COL24A1: variants seen among roughly 807,000 people sequenced by gnomAD.
COL24A1 encodes collagen type XXIV alpha 1 chain, also known as collagen alpha-1(XXIV) chain.
COL24A1 carries 224 observed loss-of-function variants against 253.9 expected under a neutral mutation model. That is an observed-to-expected ratio of 0.88 (90% CI 0.79 to 0.99). The LOEUF is 0.99. Among genes scored for constraint, COL24A1 ranks in the 50% least tolerant of loss-of-function variants. The probability of loss-of-function intolerance (pLI) is 0.00; values close to 1 mark genes in which losing one functional copy is unlikely to be tolerated. For synonymous variants in COL24A1, 685 were observed against 673.7 expected, an observed-to-expected ratio of 1.02 and a Z score of -0.26; for missense variants, 2,131 against 2,068.5, an observed-to-expected ratio of 1.03 and a Z score of -0.59.
chr1:85,915,437 G>A (rs764288001), intron 24 of COL24A1, among the ~76,000 whole-genome samples: 2 of 152,138 alleles, frequency 1.3e-5, no homozygotes, highest in Non-Finnish European at 2.9e-5. Flanking sequence ...AAGACTGTGA[G>A]ATTTTTTTTT....
chr1:86,067,894 A>G (rs1701606835), intron 7 of COL24A1, among the ~76,000 whole-genome samples: 1 of 152,208 alleles, frequency 6.6e-6, no homozygotes, highest in Non-Finnish European at 1.5e-5. Flanking sequence ...AGAATAACAA[A>G]AAAGTTTCCA....
At chr1:85,872,445 T>C (rs1428329598) in intron 35 of COL24A1, among the ~76,000 whole-genome samples, 1 of 152,134 alleles carries the variant, frequency 6.6e-6, no homozygotes. Context: ...CTTCAAACTA[T>C]ACCAGAAGGC....
In COL24A1 at chr1:85,986,684, GATA is replaced by G. The variant is rs373649957; in HGVS notation, c.2364+914_2364+916del. ...TAAATGAGATAATGACTATAAACGAGATAATGTCTATGAAGCATTTACTAGAGT... is the reference window on the plus strand; with the variant it reads ...TAAATGAGATAATGACTATAAACGAGATGTCTATGAAGCATTTACTAGAGT... On this transcript the variant is annotated intron_variant, in intron 20 of 59. Transcript: ENST00000370571. 2.0e-3 allele frequency among the ~76,000 whole-genome samples: 302 copies of G among 151,944 alleles called. 9 individuals carry two copies. In the South Asian group the frequency reaches 0.05, roughly 25 times the overall value.
At chr1:85,993,227 C>T (rs564204238) in intron 19 of COL24A1, among the ~76,000 whole-genome samples, 52 of 152,126 alleles carry the variant, frequency 3.4e-4, no homozygotes, top group African/African-American at 1.0e-3. Context: ...TTATATTATG[C>T]GCTACATACA....
intron 14 of COL24A1, among the ~76,000 whole-genome samples, chr1:86,028,480 C>T (rs1698253068): frequency 6.7e-6 from 1 of 150,176 alleles, no homozygotes; most frequent in African/African-American, 2.4e-5. Flanking sequence ...TCTGGCATTT[C>T]CCCTGTTTGC....
At chr1:85,855,985 G>A (rs1678393558) in intron 37 of COL24A1, among the ~76,000 whole-genome samples, 1 of 152,130 alleles carries the variant, frequency 6.6e-6, no homozygotes. Flanking sequence ...GTGCAGAGAG[G>A]TGTTCATAAT....
chr1:86,133,424 T>C (rs1030829127), intron 2 of COL24A1, among the ~76,000 whole-genome samples: 1 of 152,214 alleles, frequency 6.6e-6, no homozygotes, highest in African/African-American at 2.4e-5. Context: ...ATCCCTGTCT[T>C]GTGCCAGGTT....
At chr1:86,043,085 A>C (rs476149) in intron 12 of COL24A1, among the ~76,000 whole-genome samples, 19,075 of 152,144 alleles carry the variant, frequency 0.13, 1,303 homozygotes, top group Middle Eastern at 0.15. Context: ...AAGTCAAGTC[A>C]TTTACTAATT....
chr1:86,148,871 G>C (rs911988201), intron 1 of COL24A1, among the ~76,000 whole-genome samples: 1 of 152,054 alleles, frequency 6.6e-6, no homozygotes, highest in Non-Finnish European at 1.5e-5. Context: ...ACCCAGTAAT[G>C]GGATGGCTGG....
chr1:85,920,659 A>T (rs1212511186), intron 24 of COL24A1, among the ~76,000 whole-genome samples: 2 of 152,182 alleles, frequency 1.3e-5, no homozygotes, highest in Non-Finnish European at 2.9e-5. Flanking sequence ...AATCATTATA[A>T]TAGTCCACAT....
In COL24A1 at chr1:86,115,314, C is replaced by T. The variant is rs952545078; in HGVS notation, c.1545+11G>A. On this transcript the variant is annotated intron_variant, in intron 4 of 59. Coordinates refer to ENST00000370571, the MANE Select transcript of COL24A1 (RefSeq NM_152890.7). ...CTCACTGCCAGCAGGAAATATAGCC[C>T]ATCTACTTACCCGTGGACCTCTCTT... is the stretch of plus-strand genomic sequence containing the variant. The T allele has an allele frequency of 2.5e-6, 4 of 1,613,236 alleles. No individual in the cohort carries two copies. The highest frequency in any genetic ancestry group is 1.3e-5 in the African/African-American group (1 of 75,024).
intron 7 of COL24A1, among the ~76,000 whole-genome samples, chr1:86,078,234 T>C (rs934037203): frequency 2.0e-5 from 3 of 152,146 alleles, no homozygotes; most frequent in African/African-American, 7.2e-5. Context: ...GAAAAGGCAT[T>C]TGATAAAGTT....
rs182299416 is a variant in COL24A1 at position 85,735,592 on chromosome 1, C to A, written c.4783-628G>T. On this transcript the variant is annotated intron_variant, in intron 58 of 59. Coordinates refer to ENST00000370571, the MANE Select transcript of COL24A1 (RefSeq NM_152890.7). ...ATGTAGTTTCATTCACACAGTGAATCGTCAATAAATATTTATTGAATGAAT... is the reference window on the plus strand; with the variant it reads ...ATGTAGTTTCATTCACACAGTGAATAGTCAATAAATATTTATTGAATGAAT... Among the ~76,000 whole-genome samples the A allele has an allele frequency of 6.4e-4, 97 of 151,774 alleles. No homozygotes were observed. The East Asian group carries it at 0.014, about 21-fold the overall frequency.
intron 26 of COL24A1, 137 bp downstream of exon 26, chr1:85,909,813 C>T: frequency 4.0e-6 from 3 of 756,680 alleles, no homozygotes. Context: ...GGAGATAAAC[C>T]ATTTAAAAAT....
At chr1:85,743,524 T>C (rs1664867321) in intron 57 of COL24A1, among the ~76,000 whole-genome samples, 2 of 152,216 alleles carry the variant, frequency 1.3e-5, no homozygotes, top group Admixed American at 1.3e-4. Context: ...ATAGCACTTA[T>C]GATATCCTAG....
At chr1:85,748,726 G>C (rs1360639631) in intron 55 of COL24A1, among the ~76,000 whole-genome samples, 1 of 138,902 alleles carries the variant, frequency 7.2e-6, no homozygotes, top group Non-Finnish European at 1.6e-5. Context: ...CCTGGGAAGC[G>C]CAAGGGGTCA....
In COL24A1 at chr1:86,136,590, A is replaced by G. The variant is rs546114922; in HGVS notation, c.121+9529T>C. Among the ~76,000 whole-genome samples the G allele has an allele frequency of 1.1e-4, 17 of 152,238 alleles. 1 individual carries two copies. In the South Asian group the frequency reaches 3.5e-3, roughly 32 times the overall value. ...CACAAATGAAAAATCTCTGAAGCACAGAGAGATTAAATAACTTGGTAAAGG... is the reference window on the plus strand; with the variant it reads ...CACAAATGAAAAATCTCTGAAGCACGGAGAGATTAAATAACTTGGTAAAGG... On this transcript the variant is annotated intron_variant, in intron 2 of 59. Transcript: ENST00000370571.
intron 37 of COL24A1, among the ~76,000 whole-genome samples, chr1:85,853,851 G>C (rs140931745): frequency 2.6e-5 from 4 of 152,150 alleles, no homozygotes; most frequent in African/African-American, 9.6e-5. Context: ...GTTCTTTATA[G>C]ATTCTGGATA....
At chr1:86,124,332 A>G (rs1647893099) in intron 3 of COL24A1, among the ~76,000 whole-genome samples, 1 of 151,922 alleles carries the variant, frequency 6.6e-6, no homozygotes, top group Admixed American at 6.6e-5. Flanking sequence ...AAAGACAGTC[A>G]ACGATTCATT....
Sources: allele counts gnomAD v4.1 joint callset (sites outside exome capture counted in the v4.1 genomes callset), GRCh38; gene constraint gnomAD v4.1.1; transcripts MANE v1.5; gene names NCBI Gene and HGNC (gene_info 2026-07-23, HGNC 2026-07-21).